The following RNF213 variants were observed in gnomAD, a reference collection of about 807,000 sequenced individuals.
The protein encoded by RNF213 is E3 ubiquitin-protein ligase RNF213.
RNF213 carries 341 observed loss-of-function variants against 514.4 expected under a neutral mutation model. The observed-to-expected ratio is 0.66, with a 90% confidence interval of 0.61 to 0.73. The LOEUF (loss-of-function observed/expected upper bound fraction) is 0.73, where lower values mean the gene tolerates loss of function less well. Among genes scored for constraint, RNF213 ranks in the 30% least tolerant of loss-of-function variants. The pLI is 0.00. For missense variants in RNF213, 5,767 were observed against 6,615.6 expected, an observed-to-expected ratio of 0.87 and a Z score of 4.45; for synonymous variants, 2,655 against 2,658.2, an observed-to-expected ratio of 1.00 and a Z score of 0.04.
chr17:80,364,869 C>T (rs1044051271), intron 42 of RNF213: 5 of 377,126 alleles, frequency 1.3e-5, no homozygotes, highest in Non-Finnish European at 2.6e-5. Context: ...TTTGGAGTGA[C>T]CCCAGAACAG....
Position 80,346,234 on chromosome 17 carries a change from C to T in RNF213, c.7899C>T (p.Cys2633=), listed in dbSNP as rs1426000802. 2 of 1,614,068 alleles carry T rather than the reference C, an allele frequency of 1.2e-6. No homozygotes were observed. Among genetic ancestry groups the T allele is most frequent in the Non-Finnish European group, 1.7e-6 (2 of 1,180,058 alleles). The change falls in exon 29 of 68, where the codon TGC becomes TGT. Residue 2633 remains cysteine, a synonymous_variant. Transcript: ENST00000582970. The surrounding 1 kb of genome is among the most constrained non-coding windows in gnomAD (Gnocchi z 8.1). ...TCATGAGGAAAACAGAAGATGAGTG[C>T]AGCTTTGTCAGCCTCAGGGACGTGG... is the stretch of plus-strand genomic sequence containing the variant. The part of the protein sequence containing the change: ...QGFMRKTEDE[C]SFVSLRDVER...
In RNF213 at chr17:80,372,642, A is replaced by AGTT. The variant is rs769367430; in HGVS notation, c.12660_12661insTTG (p.Glu4220_Ala4221insLeu). On this transcript the variant is annotated inframe_insertion, in exon 48 of 68. Coordinates refer to ENST00000582970, the MANE Select transcript of RNF213 (RefSeq NM_001256071.3). The stretch of plus-strand genomic sequence containing the variant: ...AGCCGGGGCCGAGAGCCTGCCAACG[A>AGTT]GGCCTCGGTTGAATACCTGCAAGAG... 1 of 1,614,062 alleles carries AGTT rather than the reference A, an allele frequency of 6.2e-7. No individual in the cohort carries two copies. The highest frequency in any genetic ancestry group is 1.3e-5 in the African/African-American group (1 of 75,020).
rs771805166 is a variant in RNF213, at chr17:80,383,868, C to T, written c.14262C>T (p.His4754=). The part of the protein sequence containing the change: ...RKRITVEYLQ[H]IVEQKNGKER... Reference sequence around the variant, plus strand: ...GAATTACAGTTGAGTACCTCCAGCACATTGTGGAACAGAAAAATGGCAAAG... The same window carrying T: ...GAATTACAGTTGAGTACCTCCAGCATATTGTGGAACAGAAAAATGGCAAAG... Residue 4754 remains histidine, a synonymous_variant, in exon 59 of 68, where the codon CAC becomes CAT. Transcript: ENST00000582970. 7 of 1,614,174 alleles carry T rather than the reference C, an allele frequency of 4.3e-6. No homozygotes were observed. In the South Asian group the frequency reaches 4.4e-5, roughly 10 times the overall value.
rs1193107505 is a variant in RNF213, at chr17:80,312,899, C to A, written c.2656-113C>A. On this transcript the variant is annotated intron_variant, in intron 14 of 67. Coordinates refer to ENST00000582970, the MANE Select transcript of RNF213 (RefSeq NM_001256071.3). ...AAGGCCTGTGGTCCCTCCATCGTAG[C>A]CACTCCTTGAGCAGCCTGTGCCAGC... The A allele has an allele frequency of 1.3e-5, 16 of 1,206,722 alleles. No individual in the cohort carries two copies. In the African/African-American group the frequency reaches 1.5e-4, roughly 11 times the overall value. 74.8% of individuals were successfully genotyped at this position (1,206,722 alleles called of 1,614,324 possible).
At position 80,334,158 on chromosome 17, in the gene RNF213, G is replaced by A; in HGVS notation, c.4197G>A (p.Glu1399=). The stretch of plus-strand genomic sequence containing the variant: ...AAACACTGGACCAGATCAACCAGGA[G>A]CTCATCCAGGCCAAAAAGCTGCTCC... ...RRETLDQINQ[E]LIQAKKLLQD... Residue 1399 remains glutamate, a synonymous_variant, in exon 22 of 68, where the codon GAG becomes GAA. Coordinates refer to ENST00000582970, the MANE Select transcript of RNF213 (RefSeq NM_001256071.3). 4 of 1,537,272 alleles carry A rather than the reference G, an allele frequency of 2.6e-6. No individual in the cohort carries two copies. Among genetic ancestry groups the A allele is most frequent in the Non-Finnish European group, 3.5e-6 (4 of 1,146,910 alleles).
In RNF213 at chr17:80,371,960, A is replaced by C. The variant is rs1360176002; in HGVS notation, c.12512A>C (p.Tyr4171Ser). The change falls in exon 47 of 68, where the codon TAC (tyrosine) becomes TCC (serine). Residue 4171 changes from tyrosine (Y) to serine (S), a missense_variant. By Grantham distance (144) the Tyr-to-Ser change is moderately radical. This residue lies in a region of RNF213 where 1,245 missense variants were observed against 1,339.0 expected (regional missense o/e 0.93). Coordinates refer to ENST00000582970, the MANE Select transcript of RNF213 (RefSeq NM_001256071.3). ...AFITEDKTEL[Y>S]MLFINCLEDS... ...ATAACTGAAGATAAAACTGAACTGT[A>C]CATGCTCTTCATCAACTGCCTGGAG... The C allele has an allele frequency of 6.3e-7, 1 of 1,592,436 alleles. No homozygotes were observed. The highest frequency in any genetic ancestry group is 8.6e-7 in the Non-Finnish European group (1 of 1,160,212).
In RNF213 at chr17:80,383,736, C is replaced by G. The variant is rs372193582; in HGVS notation, c.14130C>G (p.Ser4710Arg). Residue 4710 changes from serine to arginine, a missense_variant, in exon 59 of 68, where the codon AGC (serine) becomes AGG (arginine). Ser to Arg is a moderately radical substitution (Grantham distance 110). Transcript: ENST00000582970. ...NNLISQDKRI[S>R]SNPVAKIIYG... ...TCATCAGCCAAGATAAGCGTATCAG[C>G]TCTAACCCTGTGGCCAAAATAATAT... is the stretch of plus-strand genomic sequence containing the variant. 2.5e-6 allele frequency: 4 copies of G among 1,613,890 alleles called. No homozygotes were observed. The African/African-American group carries it at 5.3e-5, about 22-fold the overall frequency.
intron 38 of RNF213, 180 bp downstream of exon 38, chr17:80,360,386 TGAA>T: frequency 1.4e-6 from 1 of 719,810 alleles, no homozygotes; most frequent in East Asian, 2.7e-5. Flanking sequence ...AAGTTTCTGC[TGAA>T]GGAGTGAGAG....
chr17:80,364,586 G>T, intron 42 of RNF213, 33 bp downstream of exon 42: 2 of 1,613,740 alleles, frequency 1.2e-6, no homozygotes, highest in Non-Finnish European at 1.7e-6. Context: ...GCACATGCAC[G>T]GATCCACCCT....
chr17:80,279,968 C>T (rs748443071), intron 3 of RNF213, among the ~76,000 whole-genome samples: 4 of 152,232 alleles, frequency 2.6e-5, no homozygotes, highest in East Asian at 1.9e-4. Flanking sequence ...TTCCCCGCAC[C>T]GCGCTCCCCC....
intron 11 of RNF213, 49 bp downstream of exon 11, chr17:80,298,567 C>T: frequency 1.2e-6 from 2 of 1,607,024 alleles, no homozygotes; most frequent in African/African-American, 1.3e-5. Context: ...AAGACTGACT[C>T]CTACATTGTG....
At chr17:80,286,957 G>C (rs553818390) in intron 3 of RNF213, among the ~76,000 whole-genome samples, 2 of 152,210 alleles carry the variant, frequency 1.3e-5, no homozygotes, top group African/African-American at 4.8e-5. Flanking sequence ...TGAGGGTGCG[G>C]TGGGAGCTGC....
Position 80,313,028 on chromosome 17 carries a change from G to C in RNF213, c.2672G>C (p.Arg891Thr). ...TGACAACAGGATTCTGCAGGACAGA[G>C]AGATGAAACTGGAAATAATTCAGTC... The part of the protein sequence containing the change: ...LLSLVDSAGQ[R>T]DETGNNSVQT... The change falls in exon 15 of 68, where the codon AGA becomes ACA. Residue 891 changes from arginine to threonine, a missense_variant. Coordinates refer to ENST00000582970, the MANE Select transcript of RNF213 (RefSeq NM_001256071.3). 6.2e-7 allele frequency: 1 copy of C among 1,613,982 alleles called. No homozygotes were observed. The highest frequency in any genetic ancestry group is 1.3e-5 in the African/African-American group (1 of 75,074).
chr17:80,360,331 T>G, intron 38 of RNF213, 125 bp downstream of exon 38: 1 of 1,124,862 alleles, frequency 8.9e-7, no homozygotes, highest in Non-Finnish European at 1.3e-6. Flanking sequence ...TTTTCACACT[T>G]TGTTTGTGCA....
chr17:80,329,964 G>A (rs2046370584), intron 20 of RNF213, among the ~76,000 whole-genome samples: 1 of 152,156 alleles, frequency 6.6e-6, no homozygotes. Context: ...TGGAATTCCT[G>A]TTAATTGGAT....
chr17:80,276,466 A>C (rs2044060592), intron 3 of RNF213, among the ~76,000 whole-genome samples: 1 of 152,082 alleles, frequency 6.6e-6, no homozygotes, highest in Admixed American at 6.6e-5. Context: ...AATTTGTAAA[A>C]TGTAGAGTTG....
At chr17:80,295,143 T>C in intron 9 of RNF213, 140 bp downstream of exon 9, 1 of 996,896 alleles carries the variant, frequency 1.0e-6, no homozygotes, top group South Asian at 1.4e-5. Context: ...CTCCTACCAC[T>C]GTCTCTTGGG....
chr17:80,290,461 G>A, intron 6 of RNF213, 109 bp from the exon 7 acceptor site: 1 of 1,330,546 alleles, frequency 7.5e-7, no homozygotes, highest in Non-Finnish European at 1.1e-6. Context: ...GCGAGTGCAT[G>A]TGTGTGTGCA....
chr17:80,387,570 G>A (rs928074718), intron 63 of RNF213, among the ~76,000 whole-genome samples: 8 of 152,278 alleles, frequency 5.3e-5, no homozygotes, highest in South Asian at 2.1e-4. Flanking sequence ...CATCCTGTAC[G>A]TTGGACTGCT....
Sources: gnomAD v4.1 joint callset for allele counts (sites outside exome capture counted in the v4.1 genomes callset) on GRCh38, gnomAD v4.1.1 for gene constraint, gnomAD v4.1.1 regional missense constraint, Gnocchi (gnomAD v3.1) non-coding constraint, MANE v1.5 for transcripts, NCBI Gene and HGNC (gene_info 2026-07-23, HGNC 2026-07-21) for gene names.